CHN2: variants seen among roughly 807,000 people sequenced by gnomAD.
CHN2 encodes beta-chimaerin.
CHN2 carries 35 observed loss-of-function variants against 56.3 expected under a neutral mutation model. That is an observed-to-expected ratio of 0.62 (90% CI 0.47 to 0.82). CHN2 has a LOEUF of 0.82. Among genes scored for constraint, CHN2 ranks in the 40% least tolerant of loss-of-function variants. CHN2 has a pLI of 0.00. For synonymous variants in CHN2, 210 were observed against 212.8 expected, an observed-to-expected ratio of 0.99 and a Z score of 0.12; for missense variants, 491 against 580.5, an observed-to-expected ratio of 0.85 and a Z score of 1.58.
chr7:29,174,857 A>G lies in CHN2; in HGVS notation c.274+27897A>G, dbSNP rs771819938. 2.6e-3 allele frequency among the ~76,000 whole-genome samples: 401 copies of G among 151,370 alleles called. 5 individuals carry two copies. Among genetic ancestry groups the G allele is most frequent in the Non-Finnish European group, 4.6e-3 (309 of 67,794 alleles). On this transcript the variant is annotated intron_variant, in intron 2 of 6. Coordinates refer to the CHN2 transcript ENST00000439384. ...CCTGGGCAAAAAAGAGCAAAACTCC[A>G]TCTAAAAAAAAAAAAAAAAGAATTT...
chr7:29,193,548 A>G (rs1047705555), upstream of CHN2: 3 of 152,166 alleles, frequency 2.0e-5, no homozygotes, highest in South Asian at 6.2e-4. Context: ...TTTCTCTTCA[A>G]ATTTCACAGT....
intron 6 of CHN2, among the ~76,000 whole-genome samples, chr7:29,429,334 A>G (rs1045589499): frequency 2.0e-5 from 3 of 152,230 alleles, no homozygotes; most frequent in Non-Finnish European, 4.4e-5. Flanking sequence ...TTTTAGAATC[A>G]GGTGGTATTG....
At chr7:29,459,673 G>A (rs1785009359) in intron 6 of CHN2, among the ~76,000 whole-genome samples, 1 of 152,184 alleles carries the variant, frequency 6.6e-6, no homozygotes, top group Admixed American at 6.5e-5. Context: ...GGGGGCCTCT[G>A]TTACGACAGC....
rs904723727 is a variant in CHN2, at chr7:29,298,600, C to G, written c.50-56025C>G. 2.0e-5 allele frequency among the ~76,000 whole-genome samples: 3 copies of G among 152,140 alleles called. No homozygotes were observed. In the East Asian group the frequency reaches 5.8e-4, roughly 29 times the overall value. ...TTCATTTTCCCAAAAAGGAAACCTC[C>G]GAGTAATGGGCATCCTATTTATCCC... On this transcript the variant is annotated intron_variant, in intron 1 of 12. Coordinates refer to ENST00000222792, the MANE Select transcript of CHN2 (RefSeq NM_004067.4).
intron 1 of CHN2, among the ~76,000 whole-genome samples, chr7:29,196,765 A>T (rs2128764481): frequency 6.6e-6 from 1 of 152,378 alleles, no homozygotes; most frequent in Admixed American, 6.5e-5. Context: ...AGCCTTCGGA[A>T]GAATACGTTG....
intron 1 of CHN2, among the ~76,000 whole-genome samples, chr7:29,333,986 C>T (rs3793287): frequency 0.3 from 45,871 of 151,600 alleles, 7,231 homozygotes; most frequent in East Asian, 0.35. Context: ...TGGATTTGAC[C>T]ACCTTGCTAT....
chr7:29,361,325 A>G (rs1329156447), intron 2 of CHN2, among the ~76,000 whole-genome samples: 4 of 152,172 alleles, frequency 2.6e-5, no homozygotes, highest in African/African-American at 9.7e-5. Context: ...AAGCTAAGAG[A>G]GGAGATTGGG....
In CHN2 at chr7:29,198,536, G is replaced by GT. The variant is rs1235905086; in HGVS notation, c.49+3550dup. 1.1e-4 allele frequency among the ~76,000 whole-genome samples: 16 copies of GT among 152,160 alleles called. No individual in the cohort carries two copies. The East Asian group carries it at 1.5e-3, about 15-fold the overall frequency. On this transcript the variant is annotated intron_variant, in intron 1 of 12. Transcript: ENST00000222792. The stretch of plus-strand genomic sequence containing the variant: ...GTGTAAAAGAAATTGCTTTACCTTT[G>GT]TTTTAATAACTACTGGTAATTAAAT...
chr7:29,168,179 G>A (rs779506928), intron 2 of CHN2, among the ~76,000 whole-genome samples: 15 of 152,116 alleles, frequency 9.9e-5, no homozygotes, highest in Non-Finnish European at 1.5e-4. Context: ...ATCTTCTGAC[G>A]TTTGGTCTGG....
At chr7:29,466,165 G>A (rs191616536) in intron 6 of CHN2, among the ~76,000 whole-genome samples, 152 of 152,132 alleles carry the variant, frequency 1.0e-3, no homozygotes, top group African/African-American at 3.5e-3. Context: ...TTGCGCCACT[G>A]CACTCCAGCC....
At chr7:29,499,662 C>T (rs1990594) in intron 8 of CHN2, among the ~76,000 whole-genome samples, 83,509 of 151,974 alleles carry the variant, frequency 0.55, 23,143 homozygotes, top group Middle Eastern at 0.59. Flanking sequence ...GAAGGCTTAA[C>T]GAGAAAAATG....
chr7:29,196,799 T>G (rs1458427301), intron 1 of CHN2, among the ~76,000 whole-genome samples: 1 of 152,176 alleles, frequency 6.6e-6, no homozygotes, highest in Non-Finnish European at 1.5e-5. Flanking sequence ...CAGTATGAGA[T>G]TTAGATGATG....
chr7:29,258,015 G>C (rs572803254), intron 1 of CHN2, among the ~76,000 whole-genome samples: 1 of 152,118 alleles, frequency 6.6e-6, no homozygotes, highest in African/African-American at 2.4e-5. Flanking sequence ...AACACCTGGG[G>C]TCAAGTGATC....
chr7:29,307,464 T>A (rs1356393213), intron 1 of CHN2, among the ~76,000 whole-genome samples: 1 of 152,218 alleles, frequency 6.6e-6, no homozygotes, highest in African/African-American at 2.4e-5. Flanking sequence ...TTCTAATGTC[T>A]GGACCCTGTG....
intron 1 of CHN2, among the ~76,000 whole-genome samples, chr7:29,216,459 A>T (rs1785350925): frequency 6.6e-6 from 1 of 152,160 alleles, no homozygotes; most frequent in African/African-American, 2.4e-5. Flanking sequence ...GTCTATTATC[A>T]CTTTGTGGAA....
At chr7:29,375,880 G>A (rs1034213350) in intron 3 of CHN2, among the ~76,000 whole-genome samples, 5 of 152,204 alleles carry the variant, frequency 3.3e-5, no homozygotes, top group Non-Finnish European at 5.9e-5. Flanking sequence ...GTTTTGGGGT[G>A]TAACCAGGGT....
At chr7:29,146,842 A>G (rs748733081) in intron 1 of CHN2, 25 of 1,550,682 alleles carry the variant, frequency 1.6e-5, no homozygotes, top group Admixed American at 5.9e-5. Context: ...TTATTTCTGC[A>G]CTCTAGGACT....
intron 2 of CHN2, among the ~76,000 whole-genome samples, chr7:29,152,796 C>A (rs1383382627): frequency 2.0e-5 from 3 of 152,176 alleles, no homozygotes; most frequent in Admixed American, 6.5e-5. Flanking sequence ...TAAATTTTGA[C>A]AAGAAACAGG....
intron 1 of CHN2, among the ~76,000 whole-genome samples, chr7:29,237,587 A>G (rs1189491740): frequency 6.6e-6 from 1 of 152,196 alleles, no homozygotes; most frequent in Non-Finnish European, 1.5e-5. Context: ...TGCCTTTGCC[A>G]GAAACTTTTC....
Sources: gnomAD v4.1 joint callset for allele counts (sites outside exome capture counted in the v4.1 genomes callset) on GRCh38, gnomAD v4.1.1 for gene constraint, MANE v1.5 for transcripts, NCBI Gene and HGNC (gene_info 2026-07-23, HGNC 2026-07-21) for gene names.